Variants in LIN7A observed in about 807,000 individuals in gnomAD.
The protein encoded by LIN7A is lin-7 cell polarity scaffold A.
In LIN7A, 25 loss-of-function variants were observed where a neutral mutation model predicts 29.8. The ratio of observed to expected loss-of-function variants is 0.84; its 90% CI spans 0.61 to 1.17. The LOEUF is 1.17. LIN7A is among the 50% of genes most tolerant of loss of function. LIN7A has a pLI of 0.00. For missense variants in LIN7A, 239 were observed against 287.0 expected, an observed-to-expected ratio of 0.83 and a Z score of 1.21; for synonymous variants, 118 against 107.5, an observed-to-expected ratio of 1.10 and a Z score of -0.60.
intron 4 of LIN7A, among the ~76,000 whole-genome samples, chr12:80,843,963 C>T (rs1461357955): frequency 6.6e-6 from 1 of 151,452 alleles, no homozygotes; most frequent in East Asian, 1.9e-4. Flanking sequence ...AAGTCAACCA[C>T]GTATTAAATT....
chr12:80,824,094 A>G (rs578052869), intron 4 of LIN7A, among the ~76,000 whole-genome samples: 18 of 152,338 alleles, frequency 1.2e-4, no homozygotes, highest in Admixed American at 1.2e-3. Flanking sequence ...GATTATTTGA[A>G]AAGACAAATA....
intron 2 of LIN7A, among the ~76,000 whole-genome samples, chr12:80,851,795 G>A (rs1396059663): frequency 6.6e-6 from 1 of 152,074 alleles, no homozygotes; most frequent in Non-Finnish European, 1.5e-5. Flanking sequence ...AATGGGTTTA[G>A]TTCCTAGTGT....
intron 2 of LIN7A, among the ~76,000 whole-genome samples, chr12:80,857,538 G>C (rs951883082): frequency 6.6e-6 from 1 of 152,096 alleles, no homozygotes; most frequent in Non-Finnish European, 1.5e-5. Context: ...TCAACTACAT[G>C]ACTCAGACAT....
chr12:80,850,705 G>A, intron 2 of LIN7A, among the ~76,000 whole-genome samples: 1 of 152,172 alleles, frequency 6.6e-6, no homozygotes, highest in Non-Finnish European at 1.5e-5. Context: ...CTGAGATTGA[G>A]AAATCCTGAT....
intron 2 of LIN7A, among the ~76,000 whole-genome samples, chr12:80,886,651 T>C (rs1182450816): frequency 1.3e-5 from 2 of 152,088 alleles, no homozygotes; most frequent in African/African-American, 2.4e-5. Context: ...TTAATCTTAC[T>C]AGTTCAAATT....
At chr12:80,818,579 G>T (rs757851016) in intron 4 of LIN7A, among the ~76,000 whole-genome samples, 2 of 152,080 alleles carry the variant, frequency 1.3e-5, no homozygotes, top group Non-Finnish European at 2.9e-5. Context: ...GTATCACATT[G>T]GCAGTTTTGC....
chr12:80,855,851 A>G (rs1335253207), intron 2 of LIN7A, among the ~76,000 whole-genome samples: 3 of 152,194 alleles, frequency 2.0e-5, no homozygotes, highest in Admixed American at 6.5e-5. Flanking sequence ...TAACTGATTC[A>G]TCTACTAAGG....
chr12:80,905,277 C>T (rs974396666), intron 1 of LIN7A, among the ~76,000 whole-genome samples: 1 of 152,012 alleles, frequency 6.6e-6, no homozygotes, highest in Non-Finnish European at 1.5e-5. Context: ...GCAACCTCCG[C>T]CTCCCACGTT....
chr12:80,892,128 G>A (rs112322781), intron 1 of LIN7A, among the ~76,000 whole-genome samples: 26 of 152,196 alleles, frequency 1.7e-4, no homozygotes, highest in African/African-American at 4.6e-4. Flanking sequence ...CTGTTTGCAC[G>A]TACATCTCCC....
chr12:80,844,218 A>C (rs1872954622), intron 4 of LIN7A, among the ~76,000 whole-genome samples: 1 of 152,264 alleles, frequency 6.6e-6, no homozygotes, highest in Non-Finnish European at 1.5e-5. Flanking sequence ...CATGCTTTGA[A>C]AAAGTCACAG....
At chr12:80,839,683 C>A (rs1014268242) in intron 4 of LIN7A, among the ~76,000 whole-genome samples, 1 of 152,222 alleles carries the variant, frequency 6.6e-6, no homozygotes, top group Non-Finnish European at 1.5e-5. Context: ...TCACAGAGCT[C>A]GAATCTACAG....
chr12:80,841,928 G>A (rs1035650792), intron 4 of LIN7A: 41 of 1,059,574 alleles, frequency 3.9e-5, no homozygotes, highest in Non-Finnish European at 4.7e-5. Context: ...CAGTTGTAAG[G>A]TTTCACTGAG....
At chr12:80,897,279 T>G (rs1394531660) in intron 1 of LIN7A, among the ~76,000 whole-genome samples, 1 of 152,202 alleles carries the variant, frequency 6.6e-6, no homozygotes, top group East Asian at 1.9e-4. Context: ...ACCTCACTTT[T>G]GTATTTAATC....
chr12:80,837,849 A>C (rs928121220), intron 4 of LIN7A, among the ~76,000 whole-genome samples: 4 of 151,802 alleles, frequency 2.6e-5, no homozygotes, highest in African/African-American at 7.3e-5. Context: ...CCTCATCATC[A>C]TCATCATCAT....
At position 80,909,045 on chromosome 12, in the gene LIN7A, A is replaced by G. The variant is rs568602322; in HGVS notation, c.83-19676T>C. On this transcript the variant is annotated intron_variant, in intron 1 of 5. Transcript: ENST00000552864. ...ATTTAACCTAGGCAGTTTTGGACTA[A>G]CTCAACGCCTCAAAGATTTTCTTAT... is the stretch of plus-strand genomic sequence containing the variant. Among the ~76,000 whole-genome samples the G allele has an allele frequency of 1.0e-3, 156 of 152,206 alleles. 2 individuals carry two copies. The South Asian group carries it at 0.023, about 23-fold the overall frequency.
chr12:80,911,221 A>G (rs886523461), intron 1 of LIN7A, among the ~76,000 whole-genome samples: 2 of 151,716 alleles, frequency 1.3e-5, no homozygotes, highest in African/African-American at 4.8e-5. Flanking sequence ...TGTCAGAAAA[A>G]TTTCAAATGT....
At chr12:80,886,800 G>A (rs908160918) in intron 2 of LIN7A, among the ~76,000 whole-genome samples, 14 of 152,054 alleles carry the variant, frequency 9.2e-5, no homozygotes, top group African/African-American at 3.1e-4. Flanking sequence ...TTTGTTAGAT[G>A]TATTTATAAT....
chr12:80,873,341 G>A (rs1018086921), intron 2 of LIN7A, among the ~76,000 whole-genome samples: 16 of 151,846 alleles, frequency 1.1e-4, no homozygotes, highest in Non-Finnish European at 1.9e-4. Context: ...ACCAGCCTGG[G>A]CAACATATCA....
At chr12:80,807,083 T>TTTTTTGTTGTTTTTG (rs1555221411) in intron 5 of LIN7A, among the ~76,000 whole-genome samples, 1 of 137,206 alleles carries the variant, frequency 7.3e-6, no homozygotes, top group Non-Finnish European at 1.6e-5. Context: ...TTTTTTTTTT[T>TTTTTTGTTGTTTTTG]TTTTTTTTGA....
Sources: allele counts gnomAD v4.1 joint callset (sites outside exome capture counted in the v4.1 genomes callset), GRCh38; gene constraint gnomAD v4.1.1; transcripts MANE v1.5; gene names NCBI Gene and HGNC (gene_info 2026-07-23, HGNC 2026-07-21).